The following DOCK2 variants were observed in gnomAD, a reference collection of about 807,000 sequenced individuals.
DOCK2 encodes dedicator of cytokinesis 2.
DOCK2 carries 87 observed loss-of-function variants against 248.9 expected under a neutral mutation model. The ratio of observed to expected loss-of-function variants is 0.35; its 90% CI spans 0.29 to 0.42. The LOEUF (loss-of-function observed/expected upper bound fraction) is 0.42, where lower values mean the gene tolerates loss of function less well. Ranked by LOEUF, DOCK2 falls within the 10% of genes least tolerant of loss-of-function variation. The pLI is 1.00. For synonymous variants in DOCK2, 805 were observed against 821.6 expected (o/e 0.98, Z 0.35); for missense variants, 1,747 against 2,300.2 (o/e 0.76, Z 4.92).
In DOCK2 at chr5:169,840,778, C is replaced by A; in HGVS notation, c.2725C>A (p.Gln909Lys). 6.2e-7 allele frequency: 1 copy of A among 1,613,944 alleles called. No homozygotes were observed. Among genetic ancestry groups the A allele is most frequent in the Non-Finnish European group, 8.5e-7 (1 of 1,179,948 alleles). Residue 909 changes from glutamine to lysine, a missense_variant, in exon 27 of 52, where the codon CAG (glutamine) becomes AAG (lysine). By Grantham distance (53) the Gln-to-Lys change is moderately conservative (BLOSUM62 1). This residue lies in a region of DOCK2 where 858 missense variants were observed against 1,183.5 expected (regional missense o/e 0.72). Coordinates refer to ENST00000520908, the MANE Select transcript of DOCK2 (RefSeq NM_004946.3). ...QDAAFTYHHI[Q>K]EIMVQLLRTV... Reference sequence around the variant, plus strand: ...ACAGGCCTTCACCTACCACCATATCCAGGAGATCATGGTCCAGCTGCTGCG... The same window carrying A: ...ACAGGCCTTCACCTACCACCATATCAAGGAGATCATGGTCCAGCTGCTGCG...
At position 169,846,194 on chromosome 5, in the gene DOCK2, G is replaced by A. The variant is rs1430018737; in HGVS notation, c.2799+5342G>A. On this transcript the variant is annotated intron_variant, in intron 27 of 51. Coordinates refer to ENST00000520908, the MANE Select transcript of DOCK2 (RefSeq NM_004946.3). ...TGAAATCCCAGGAGGGCCCCAAGTG[G>A]GTATAGGATGGCTGGTTGCAACTCT... is the stretch of plus-strand genomic sequence containing the variant. 3.9e-5 allele frequency among the ~76,000 whole-genome samples: 6 copies of A among 152,194 alleles called. No individual in the cohort carries two copies. The Middle Eastern group carries it at 0.014, about 345-fold the overall frequency.
intron 26 of DOCK2, among the ~76,000 whole-genome samples, chr5:169,805,216 C>CAAAA (rs1178136278): frequency 1.4e-5 from 1 of 70,682 alleles, no homozygotes; most frequent in Non-Finnish European, 3.5e-5. Context: ...TCTGTCTCTA[C>CAAAA]AAAAAAAAAA....
chr5:169,841,805 AT>A (rs539502774), intron 27 of DOCK2, among the ~76,000 whole-genome samples: 56 of 152,252 alleles, frequency 3.7e-4, no homozygotes, highest in African/African-American at 1.3e-3. Context: ...ACATTATCTT[AT>A]TTGGTTATTG....
intron 27 of DOCK2, among the ~76,000 whole-genome samples, chr5:169,843,526 TAAAC>T (rs1441607240): frequency 1.3e-5 from 2 of 152,162 alleles, no homozygotes; most frequent in African/African-American, 4.8e-5. Context: ...CGTCTCAAAA[TAAAC>T]AAATAAACAA....
intron 29 of DOCK2, among the ~76,000 whole-genome samples, chr5:169,987,334 T>A (rs1490075477): frequency 6.6e-6 from 1 of 152,228 alleles, no homozygotes; most frequent in Non-Finnish European, 1.5e-5. Context: ...TGAAATGTGC[T>A]ATTAAGTCAG....
chr5:169,882,589 A>G, intron 27 of DOCK2: 1 of 1,550,720 alleles, frequency 6.4e-7, no homozygotes, highest in Non-Finnish European at 8.7e-7. Flanking sequence ...CAAGTCTTGA[A>G]TTACATTCAA....
At chr5:169,824,074 G>A (rs1025827735) in intron 26 of DOCK2, among the ~76,000 whole-genome samples, 1 of 152,092 alleles carries the variant, frequency 6.6e-6, no homozygotes, top group Non-Finnish European at 1.5e-5. Context: ...GGGATGTGAA[G>A]GACCTCTTCA....
chr5:170,054,358 A>G (rs1369053738), intron 41 of DOCK2, among the ~76,000 whole-genome samples: 3 of 152,194 alleles, frequency 2.0e-5, no homozygotes, highest in Admixed American at 2.0e-4. Flanking sequence ...AGGTAGGGAA[A>G]GGGAAGAGGG....
At chr5:169,746,843 G>C (rs746890039) in intron 22 of DOCK2, among the ~76,000 whole-genome samples, 4 of 152,146 alleles carry the variant, frequency 2.6e-5, no homozygotes, top group Non-Finnish European at 4.4e-5. Flanking sequence ...TTTCAGTTAG[G>C]TTTACATGTT....
chr5:169,865,615 C>T (rs990981082), intron 27 of DOCK2, among the ~76,000 whole-genome samples: 10 of 152,198 alleles, frequency 6.6e-5, no homozygotes, highest in Admixed American at 6.5e-4. Context: ...AGCTCTTAAG[C>T]TTTTTGATGT....
intron 27 of DOCK2, among the ~76,000 whole-genome samples, chr5:169,863,048 A>G (rs888040221): frequency 1.3e-5 from 2 of 152,266 alleles, no homozygotes; most frequent in Admixed American, 6.5e-5. Context: ...CCACAAGAGT[A>G]TATAGCAATT....
chr5:169,872,851 C>T (rs1179406839), intron 27 of DOCK2, among the ~76,000 whole-genome samples: 1 of 152,190 alleles, frequency 6.6e-6, no homozygotes, highest in Non-Finnish European at 1.5e-5. Context: ...TCAGTTTCCT[C>T]ATCTGTAAAA....
intron 42 of DOCK2, 131 bp from the exon 43 acceptor site, chr5:170,056,553 A>T: frequency 1.5e-6 from 1 of 660,488 alleles, no homozygotes; most frequent in Non-Finnish European, 2.6e-6. Context: ...CCTTGATTTT[A>T]AATGCACCAC....
chr5:169,695,702 T>C, intron 9 of DOCK2, 101 bp from the exon 10 acceptor site: 3 of 1,530,280 alleles, frequency 2.0e-6, no homozygotes, highest in Non-Finnish European at 1.8e-6. Flanking sequence ...ATAGCAAGTA[T>C]TATATACATC....
chr5:169,957,329 T>C (rs936954581), intron 27 of DOCK2, among the ~76,000 whole-genome samples: 1 of 152,210 alleles, frequency 6.6e-6, no homozygotes, highest in Non-Finnish European at 1.5e-5. Context: ...AGTTCCTACT[T>C]TGTAGGATTG....
chr5:169,675,021 C>T (rs1300536189), intron 6 of DOCK2, among the ~76,000 whole-genome samples: 2 of 152,230 alleles, frequency 1.3e-5, no homozygotes, highest in Non-Finnish European at 2.9e-5. Context: ...GCTCATTGTA[C>T]ACCAGGCTTG....
intron 36 of DOCK2, among the ~76,000 whole-genome samples, chr5:170,038,748 T>C (rs1756407138): frequency 6.6e-6 from 1 of 152,170 alleles, no homozygotes; most frequent in Admixed American, 6.5e-5. Flanking sequence ...TGCCTTCTTT[T>C]GGGTTCTGTA....
chr5:170,065,181 T>A (rs1179399600), intron 44 of DOCK2, among the ~76,000 whole-genome samples: 1 of 152,186 alleles, frequency 6.6e-6, no homozygotes, highest in East Asian at 1.9e-4. Context: ...TGTTTTCAGC[T>A]TTAAATAGCC....
intron 27 of DOCK2, among the ~76,000 whole-genome samples, chr5:169,846,671 TAC>T (rs1435666476): frequency 6.6e-6 from 1 of 151,090 alleles, no homozygotes; most frequent in Non-Finnish European, 1.5e-5. Context: ...TATATATATA[TAC>T]ACACACACAT....
Sources: gnomAD v4.1 joint callset for allele counts (sites outside exome capture counted in the v4.1 genomes callset) on GRCh38, gnomAD v4.1.1 for gene constraint, gnomAD v4.1.1 regional missense constraint, MANE v1.5 for transcripts, NCBI Gene and HGNC (gene_info 2026-07-23, HGNC 2026-07-21) for gene names.